The following OSBPL10 variants were observed in gnomAD, a reference collection of about 807,000 sequenced individuals.
OSBPL10 encodes the protein oxysterol binding protein like 10.
Under a neutral mutation model 81.7 loss-of-function variants are expected in OSBPL10, and 49 were observed. The observed-to-expected ratio is 0.60, with a 90% CI of 0.48 to 0.76. The LOEUF is 0.76. OSBPL10 is among the 30% of genes least tolerant of loss of function. The pLI is 0.00. For synonymous variants in OSBPL10, 419 were observed against 383.6 expected, an observed-to-expected ratio of 1.09 and a Z score of -1.08; for missense variants, 923 against 987.8, an observed-to-expected ratio of 0.93 and a Z score of 0.88.
chr3:31,792,107 C>T (rs1432812581), intron 4 of OSBPL10, among the ~76,000 whole-genome samples: 1 of 151,796 alleles, frequency 6.6e-6, no homozygotes, highest in Non-Finnish European at 1.5e-5. Flanking sequence ...CGCACATCTG[C>T]GGTCCCAGCT....
chr3:31,943,244 T>C (rs1697586280), intron 1 of OSBPL10, among the ~76,000 whole-genome samples: 2 of 152,246 alleles, frequency 1.3e-5, no homozygotes, highest in Non-Finnish European at 2.9e-5. Flanking sequence ...ACATTTTGTT[T>C]GTCCATTCAT....
In OSBPL10 at chr3:31,790,866, T is replaced by G. The variant is rs951838073; in HGVS notation, c.729+39174A>C. On this transcript the variant is annotated intron_variant, in intron 4 of 11. Transcript: ENST00000396556. ...GCTGCACATAAAGATCTACTGCATA[T>G]GTGTCGGAAAGCCAGATGGTACAGA... is the stretch of plus-strand genomic sequence containing the variant. 6.6e-5 allele frequency among the ~76,000 whole-genome samples: 10 copies of G among 152,220 alleles called. No homozygotes were observed. In the East Asian group the frequency reaches 1.9e-3, roughly 29 times the overall value.
Position 32,061,753 on chromosome 3 carries a change from C to A in OSBPL10, n.186-15150G>T, listed in dbSNP as rs1699754749. On this transcript the variant is annotated intron_variant and non_coding_transcript_variant, in intron 1 of 3. Transcript: ENST00000479173. ...TCTCAGGCTGAAGCCATCCTCCCAC[C>A]TCAGCCTCCTAAGTAGCTGGGACTA... is the stretch of plus-strand genomic sequence containing the variant. 4.4e-5 allele frequency among the ~76,000 whole-genome samples: 4 copies of A among 91,452 alleles called. 2 individuals are homozygous for A. Among genetic ancestry groups the A allele is most frequent in the Non-Finnish European group, 1.2e-4 (4 of 34,268 alleles). 60.0% of individuals were successfully genotyped at this position (91,452 alleles called of 152,430 possible). A position where few individuals can be genotyped will look rare whatever the true frequency, so the allele number is the denominator to read the frequency against.
chr3:31,804,014 G>C (rs1295363325), intron 4 of OSBPL10, among the ~76,000 whole-genome samples: 1 of 152,184 alleles, frequency 6.6e-6, no homozygotes, highest in Non-Finnish European at 1.5e-5. Flanking sequence ...GAGATACTTT[G>C]AGACTATTCA....
chr3:31,668,559 T>G, intron 10 of OSBPL10, 83 bp downstream of exon 10: 1 of 1,329,826 alleles, frequency 7.5e-7, no homozygotes, highest in Non-Finnish European at 1.0e-6. Context: ...TCGCTAAGTT[T>G]CAAAGTCTTC....
intron 3 of OSBPL10, among the ~76,000 whole-genome samples, chr3:31,841,136 G>A (rs1156253740): frequency 2.6e-5 from 4 of 152,204 alleles, no homozygotes; most frequent in Admixed American, 1.3e-4. Context: ...TCAAACTCCC[G>A]ACCTCGGGTG....
At chr3:31,826,724 C>A (rs1179253527) in intron 4 of OSBPL10, among the ~76,000 whole-genome samples, 3 of 152,152 alleles carry the variant, frequency 2.0e-5, no homozygotes, top group Non-Finnish European at 4.4e-5. Context: ...GGCCTTTATG[C>A]TCTGAAATTA....
rs373858098 is a variant in OSBPL10 at position 31,942,290 on chromosome 3, G to T, written c.281+38609C>A. Among the ~76,000 whole-genome samples, 36 of 151,662 alleles carry T rather than the reference G, an allele frequency of 2.4e-4. No individual in the cohort carries two copies. The East Asian group carries it at 4.3e-3, about 18-fold the overall frequency. On this transcript the variant is annotated intron_variant, in intron 1 of 11. Transcript: ENST00000396556. ...AAGCGGGCTGAGCGCAGTGGCTCAC[G>T]TCTGTAATCCCGGCACTTTGGGAGG...
At position 31,702,488 on chromosome 3, in the gene OSBPL10, C is replaced by G. The variant is rs373262269; in HGVS notation, c.1116G>C (p.Leu372Phe). Residue 372 changes from leucine to phenylalanine, a missense_variant, in exon 7 of 12, where the codon TTG becomes TTC. Leu to Phe is a conservative substitution (Grantham distance 22, BLOSUM62 0). This residue lies in a region of OSBPL10 where 514 missense variants were observed against 508.0 expected (regional missense o/e 1.01). Transcript: ENST00000396556. ...PEPEPNSGSE[L>F]VLSEDEKSDN... The stretch of plus-strand genomic sequence containing the variant: ...CACTTTTTTCATCTTCAGACAAAAC[C>G]AATTCAGAGCCTGAGTTTGGCTAAA... The G allele has an allele frequency of 6.2e-7, 1 of 1,614,164 alleles. No individual in the cohort carries two copies. Among genetic ancestry groups the G allele is most frequent in the East Asian group, 2.2e-5 (1 of 44,894 alleles).
chr3:31,714,415 A>G (rs1212513124), intron 6 of OSBPL10, among the ~76,000 whole-genome samples: 2 of 152,194 alleles, frequency 1.3e-5, no homozygotes, highest in African/African-American at 4.8e-5. Flanking sequence ...AGGAGCTGGC[A>G]GCAGGCAGGT....
chr3:31,871,860 C>G (rs964650287), intron 3 of OSBPL10, among the ~76,000 whole-genome samples: 2 of 151,980 alleles, frequency 1.3e-5, no homozygotes, highest in African/African-American at 4.8e-5. Flanking sequence ...GACCCTGTCT[C>G]AAAACACACA....
At chr3:31,773,660 G>GGT (rs1698447096) in intron 4 of OSBPL10, among the ~76,000 whole-genome samples, 1 of 152,110 alleles carries the variant, frequency 6.6e-6, no homozygotes, top group South Asian at 2.1e-4. Flanking sequence ...CAAACCAGAA[G>GGT]GTAGGTCTAA....
intron 3 of OSBPL10, among the ~76,000 whole-genome samples, chr3:31,852,064 C>G (rs1160308041): frequency 6.6e-6 from 1 of 152,180 alleles, no homozygotes; most frequent in Non-Finnish European, 1.5e-5. Flanking sequence ...AAAAGGACCT[C>G]AAGTGAAGAA....
intron 1 of OSBPL10, among the ~76,000 whole-genome samples, chr3:31,919,086 A>AC (rs1375160315): frequency 6.6e-6 from 1 of 152,056 alleles, no homozygotes; most frequent in Non-Finnish European, 1.5e-5. Flanking sequence ...CTCATACTGT[A>AC]CCTTCTACCC....
At chr3:31,960,964 C>CA (rs1200234409) in intron 1 of OSBPL10, among the ~76,000 whole-genome samples, 1 of 151,758 alleles carries the variant, frequency 6.6e-6, no homozygotes, top group African/African-American at 2.4e-5. Context: ...CAAAGCTGCC[C>CA]AAAAAATGGT....
In OSBPL10 at chr3:31,808,747, A is replaced by G. The variant is rs140537080; in HGVS notation, c.729+21293T>C. Among the ~76,000 whole-genome samples, 227 of 152,352 alleles carry G rather than the reference A, an allele frequency of 1.5e-3. 1 individual carries two copies. The highest frequency in any genetic ancestry group is 2.7e-3 in the Non-Finnish European group (181 of 68,038). On this transcript the variant is annotated intron_variant, in intron 4 of 11. Transcript: ENST00000396556. ...TATTCTGTATCCCTCTCTTCGCTTT[A>G]CTTCATAAAACCTGACATTTATTAA...
chr3:31,989,819 A>G, intron 2 of OSBPL10: 1 of 1,614,216 alleles, frequency 6.2e-7, no homozygotes, highest in Non-Finnish European at 8.5e-7. Context: ...CTCTTAAGGA[A>G]ACATCAGATA....
chr3:31,732,521 A>T (rs1389952618), intron 6 of OSBPL10: 1 of 152,264 alleles, frequency 6.6e-6, no homozygotes, highest in Non-Finnish European at 1.5e-5. Context: ...TCAAGAGACT[A>T]TATCAAGACT....
At chr3:31,870,837 C>A (rs1701304142) in intron 3 of OSBPL10, among the ~76,000 whole-genome samples, 1 of 152,098 alleles carries the variant, frequency 6.6e-6, no homozygotes, top group Non-Finnish European at 1.5e-5. Context: ...TGTAAACACA[C>A]CAATCAGCAC....
Sources: allele counts gnomAD v4.1 joint callset (sites outside exome capture counted in the v4.1 genomes callset), GRCh38; gene constraint gnomAD v4.1.1; regional missense constraint gnomAD v4.1.1; transcripts MANE v1.5; gene names NCBI Gene and HGNC (gene_info 2026-07-23, HGNC 2026-07-21).